TNFRSF19: variants seen among roughly 807,000 people sequenced by gnomAD.
TNFRSF19 encodes the protein tumor necrosis factor receptor superfamily member 19.
A neutral mutation model predicts 46.4 loss-of-function variants in TNFRSF19; 27 were observed. That is an observed-to-expected ratio of 0.58 (90% confidence interval 0.43 to 0.80). TNFRSF19 has a LOEUF of 0.80. Among genes scored for constraint, TNFRSF19 ranks in the 30% least tolerant of loss-of-function variants. TNFRSF19 has a pLI of 0.00. For missense variants in TNFRSF19, 511 were observed against 530.8 expected, an observed-to-expected ratio of 0.96 and a Z score of 0.37; for synonymous variants, 204 against 205.0, an observed-to-expected ratio of 1.00 and a Z score of 0.04.
chr13:23,667,030 T>C (rs1951647277), intron 7 of TNFRSF19, among the ~76,000 whole-genome samples: 1 of 152,004 alleles, frequency 6.6e-6, no homozygotes, highest in Non-Finnish European at 1.5e-5. Flanking sequence ...TGTAAATGTA[T>C]AATTTCTCCA....
Position 23,615,968 on chromosome 13 carries a change from C to T in TNFRSF19, c.282C>T (p.Asp94=), listed in dbSNP as rs1343187965. 6.2e-7 allele frequency: 1 copy of T among 1,613,928 alleles called. No individual in the cohort carries two copies. The highest frequency in any genetic ancestry group is 8.5e-7 in the Non-Finnish European group (1 of 1,179,932). Residue 94 remains aspartate (D), a synonymous_variant, in exon 4 of 10, where the codon GAC becomes GAT. Coordinates refer to ENST00000248484, the MANE Select transcript of TNFRSF19 (RefSeq NM_148957.4). ...TCCAGAAATGCAAGCCCTGTCTGGA[C>T]TGCGCAGTGGTGAACCGCTTTCAGA... ...WGFQKCKPCL[D]CAVVNRFQKA...
At chr13:23,614,697 G>A (rs1055685618) in intron 3 of TNFRSF19, among the ~76,000 whole-genome samples, 4 of 149,920 alleles carry the variant, frequency 2.7e-5, no homozygotes, top group African/African-American at 9.8e-5. Context: ...GACAACAGGT[G>A]TTACCAACAG....
intron 3 of TNFRSF19, among the ~76,000 whole-genome samples, chr13:23,599,230 G>T (rs1879953372): frequency 6.6e-6 from 1 of 152,162 alleles, no homozygotes; most frequent in Non-Finnish European, 1.5e-5. Context: ...GGTGTAAAAA[G>T]ATTAATTTTT....
chr13:23,646,740 A>G (rs1350983580), intron 5 of TNFRSF19, among the ~76,000 whole-genome samples: 2 of 152,212 alleles, frequency 1.3e-5, no homozygotes, highest in East Asian at 3.8e-4. Flanking sequence ...TAATGCTGCT[A>G]TGAAGATATA....
rs189781899 is a variant in TNFRSF19, at chr13:23,586,244, C to T, written c.-34-3906C>T. Reference sequence around the variant, plus strand: ...CTGCACTCCAGCCTGGGTGACAGAGCGAGACTCCGTCTCAAAAAAAAAAAA... The same window carrying T: ...CTGCACTCCAGCCTGGGTGACAGAGTGAGACTCCGTCTCAAAAAAAAAAAA... On this transcript the variant is annotated intron_variant, in intron 1 of 9. Transcript: ENST00000248484. Among the ~76,000 whole-genome samples, 28 of 120,582 alleles carry T rather than the reference C, an allele frequency of 2.3e-4. No individual in the cohort carries two copies. The East Asian group carries it at 4.6e-3, about 20-fold the overall frequency. 79.1% of individuals were successfully genotyped at this position (120,582 alleles called of 152,430 possible). A position where few individuals can be genotyped will look rare whatever the true frequency, so the allele number is the denominator to read the frequency against.
chr13:23,629,976 G>A (rs923385588), intron 5 of TNFRSF19, among the ~76,000 whole-genome samples: 1 of 152,100 alleles, frequency 6.6e-6, no homozygotes, highest in Non-Finnish European at 1.5e-5. Context: ...GAAGGGTACC[G>A]GAAAGTGGGT....
At chr13:23,663,582 A>G (rs148362632) in intron 7 of TNFRSF19, among the ~76,000 whole-genome samples, 1 of 152,250 alleles carries the variant, frequency 6.6e-6, no homozygotes, top group African/African-American at 2.4e-5. Flanking sequence ...TTCAGTGGGA[A>G]TGGTACCAGC....
At chr13:23,607,166 G>T (rs990308625) in intron 3 of TNFRSF19, among the ~76,000 whole-genome samples, 1 of 152,160 alleles carries the variant, frequency 6.6e-6, no homozygotes, top group Admixed American at 6.5e-5. Context: ...AGGCACAGTG[G>T]CTCACATCTG....
chr13:23,662,965 G>A (rs1884464050), intron 7 of TNFRSF19, among the ~76,000 whole-genome samples: 1 of 152,192 alleles, frequency 6.6e-6, no homozygotes, highest in Non-Finnish European at 1.5e-5. Flanking sequence ...TCTGCAAACA[G>A]GGATAGTTTG....
At chr13:23,666,296 G>C (rs1414395087) in intron 7 of TNFRSF19, among the ~76,000 whole-genome samples, 1 of 152,218 alleles carries the variant, frequency 6.6e-6, no homozygotes, top group Non-Finnish European at 1.5e-5. Flanking sequence ...AGCGTGCTCT[G>C]ATGATTTGTA....
At chr13:23,660,635 C>T in intron 7 of TNFRSF19, 145 bp downstream of exon 7, 1 of 956,382 alleles carries the variant, frequency 1.0e-6, no homozygotes, top group South Asian at 2.6e-5. Context: ...AATTATTCTC[C>T]ACCATCTCCT....
chr13:23,631,181 T>C (rs993497199), intron 5 of TNFRSF19, among the ~76,000 whole-genome samples: 1 of 152,210 alleles, frequency 6.6e-6, no homozygotes, highest in African/African-American at 2.4e-5. Context: ...TGAGACGTAT[T>C]TGCTCATTAA....
intron 3 of TNFRSF19, among the ~76,000 whole-genome samples, chr13:23,594,625 T>C (rs1879568008): frequency 6.6e-6 from 1 of 152,228 alleles, no homozygotes; most frequent in Non-Finnish European, 1.5e-5. Context: ...GAGGGGCTTA[T>C]AGATAAACTC....
At position 23,669,086 on chromosome 13, in the gene TNFRSF19, A is replaced by G. The variant is rs1318405644; in HGVS notation, c.1234A>G (p.Thr412Ala). 5.0e-6 allele frequency: 8 copies of G among 1,613,904 alleles called. No individual in the cohort carries two copies. In the African/African-American group the frequency reaches 9.3e-5, roughly 19 times the overall value. Residue 412 changes from threonine to alanine, a missense_variant, in exon 9 of 10, where the codon ACG becomes GCG. Physicochemically the swap from Thr to Ala is moderately conservative, Grantham distance 58 (BLOSUM62 0). Around this residue, in one of 3 missense-constraint regions of TNFRSF19, gnomAD observed 376 missense variants for 372.7 expected, o/e 1.01. Coordinates refer to ENST00000248484, the MANE Select transcript of TNFRSF19 (RefSeq NM_148957.4). ...SGAVIHPATQTSLQEA is the reference protein window; with the variant it reads ...SGAVIHPATQASLQEA ...TGCTGTCATCCACCCAGCCACTCAG[A>G]CGTCCCTCCAGGTAAGGCAGCGACT... is the stretch of plus-strand genomic sequence containing the variant.
At chr13:23,622,625 T>C (rs561080600) in intron 4 of TNFRSF19, among the ~76,000 whole-genome samples, 31 of 152,198 alleles carry the variant, frequency 2.0e-4, no homozygotes, top group Non-Finnish European at 3.8e-4. Flanking sequence ...GTAGTGTCTA[T>C]GCTTGATCAT....
At chr13:23,653,987 G>A (rs1288829343) in intron 5 of TNFRSF19, among the ~76,000 whole-genome samples, 1 of 152,098 alleles carries the variant, frequency 6.6e-6, no homozygotes, top group Non-Finnish European at 1.5e-5. Context: ...TGCCTCAGTG[G>A]GTCTTGGTGT....
intron 4 of TNFRSF19, among the ~76,000 whole-genome samples, chr13:23,617,782 CTG>C (rs1215759568): frequency 3.9e-5 from 6 of 152,188 alleles, no homozygotes; most frequent in Non-Finnish European, 8.8e-5. Flanking sequence ...AAGGAAGAAA[CTG>C]AGACTTATTA....
At chr13:23,636,010 A>G (rs926150930) in intron 5 of TNFRSF19, among the ~76,000 whole-genome samples, 2 of 152,178 alleles carry the variant, frequency 1.3e-5, no homozygotes, top group East Asian at 3.9e-4. Context: ...GAAAGTGACT[A>G]TTTTTAAGCA....
At chr13:23,614,012 C>T (rs1431078283) in intron 3 of TNFRSF19, among the ~76,000 whole-genome samples, 1 of 152,224 alleles carries the variant, frequency 6.6e-6, no homozygotes. Flanking sequence ...TAATCTTCCC[C>T]TCCTCTGAAA....
Sources: allele counts gnomAD v4.1 joint callset (sites outside exome capture counted in the v4.1 genomes callset), GRCh38; gene constraint gnomAD v4.1.1; regional missense constraint gnomAD v4.1.1; transcripts MANE v1.5; gene names NCBI Gene and HGNC (gene_info 2026-07-23, HGNC 2026-07-21).